Variants in AMOTL1 observed in about 807,000 individuals in gnomAD.
The protein encoded by AMOTL1 is angiomotin like 1, also known as angiomotin-like protein 1.
In AMOTL1, 45 loss-of-function variants were observed where a neutral mutation model predicts 102.9. That is an observed-to-expected ratio of 0.44 (90% CI 0.34 to 0.56). The LOEUF is 0.56. Ranked by LOEUF, AMOTL1 falls within the 20% of genes least tolerant of loss-of-function variation. The pLI is 0.01. For synonymous variants in AMOTL1, 481 were observed against 484.7 expected, an observed-to-expected ratio of 0.99 and a Z score of 0.10; for missense variants, 1,114 against 1,225.6, an observed-to-expected ratio of 0.91 and a Z score of 1.36.
At chr11:94,823,777 G>A (rs1049426754) in intron 4 of AMOTL1, among the ~76,000 whole-genome samples, 1 of 150,586 alleles carries the variant, frequency 6.6e-6, no homozygotes, top group African/African-American at 2.4e-5. Flanking sequence ...GTGCAGTGGC[G>A]CGATCTCGGC....
intron 6 of AMOTL1, among the ~76,000 whole-genome samples, chr11:94,849,121 A>G (rs888343148): frequency 3.9e-5 from 6 of 152,200 alleles, no homozygotes; most frequent in African/African-American, 1.4e-4. Context: ...AATATGGAGT[A>G]GTATGCATAC....
intron 3 of AMOTL1, among the ~76,000 whole-genome samples, chr11:94,744,576 G>GGGTA (rs1950567662): frequency 1.3e-5 from 2 of 152,230 alleles, no homozygotes; most frequent in Admixed American, 6.5e-5. Context: ...CAGGGTGGAG[G>GGGTA]GGTAGTAGGT....
intron 1 of AMOTL1, among the ~76,000 whole-genome samples, chr11:94,776,931 T>C (rs1951033079): frequency 6.6e-6 from 1 of 152,112 alleles, no homozygotes; most frequent in African/African-American, 2.4e-5. Context: ...GTGGGAAAGG[T>C]TGGAACATAG....
At chr11:94,757,499 C>T (rs761985718) in intron 3 of AMOTL1, among the ~76,000 whole-genome samples, 1 of 152,090 alleles carries the variant, frequency 6.6e-6, no homozygotes, top group Non-Finnish European at 1.5e-5. Context: ...GAGGAAACCA[C>T]CTCTGGTGGT....
At chr11:94,752,969 TGTG>T (rs1183464236) in intron 3 of AMOTL1, among the ~76,000 whole-genome samples, 4 of 152,220 alleles carry the variant, frequency 2.6e-5, no homozygotes, top group Non-Finnish European at 5.9e-5. Context: ...TTGTTGCTCT[TGTG>T]GTTGGTCAGC....
At chr11:94,840,681 T>TATATATATATATATATACACACAC (rs1166713705) in intron 6 of AMOTL1, among the ~76,000 whole-genome samples, 50 of 104,750 alleles carry the variant, frequency 4.8e-4, no homozygotes, top group African/African-American at 1.8e-3. Context: ...TATATATATA[T>TATATATATATATATATACACACAC]ACACACACAC....
Position 94,870,786 on chromosome 11 carries a change from C to T in AMOTL1, c.2862C>T (p.Val954=), listed in dbSNP as rs1008116010. The change falls in exon 13 of 13, where the codon GTC becomes GTT. Residue 954 remains valine (V), a synonymous_variant. Coordinates refer to ENST00000433060, the MANE Select transcript of AMOTL1 (RefSeq NM_130847.3). Reference sequence around the variant, plus strand: ...TCCCTGATGGAGAGATGATGGAAGTCCTCATCTAACTGCCATCCCTGTGGA... The same window carrying T: ...TCCCTGATGGAGAGATGATGGAAGTTCTCATCTAACTGCCATCCCTGTGGA... ...PEFPDGEMME[V]LI 35 of 1,593,716 alleles carry T rather than the reference C, an allele frequency of 2.2e-5. 1 individual carries two copies. The highest frequency in any genetic ancestry group is 2.8e-5 in the Non-Finnish European group (33 of 1,168,402).
chr11:94,750,208 G>C (rs1386394999), intron 3 of AMOTL1, among the ~76,000 whole-genome samples: 1 of 152,146 alleles, frequency 6.6e-6, no homozygotes, highest in Non-Finnish European at 1.5e-5. Context: ...TCCTTAGGTG[G>C]TGCTTATTTG....
At chr11:94,816,229 C>T (rs1021435516) in intron 3 of AMOTL1, among the ~76,000 whole-genome samples, 1 of 152,098 alleles carries the variant, frequency 6.6e-6, no homozygotes, top group African/African-American at 2.4e-5. Context: ...ACTTTTGGCT[C>T]CCGTAAGTTT....
intron 4 of AMOTL1, among the ~76,000 whole-genome samples, chr11:94,828,300 C>T (rs1363147777): frequency 6.6e-6 from 1 of 152,160 alleles, no homozygotes; most frequent in African/African-American, 2.4e-5. Context: ...GGAATTTGCC[C>T]TTTTAGTGTC....
At chr11:94,785,087 C>T (rs1157666560) in intron 1 of AMOTL1, among the ~76,000 whole-genome samples, 2 of 152,004 alleles carry the variant, frequency 1.3e-5, no homozygotes, top group Non-Finnish European at 2.9e-5. Context: ...CCTGTTATTC[C>T]CTGAAGCTTT....
At position 94,874,832 on chromosome 11, in the gene AMOTL1, A is replaced by C. The variant is rs1362918960; in HGVS notation, c.*4037A>C. ...TAAAAGCTTTTGAGGCAGGGGGCTC[A>C]TGTTTTGACTGCAGGGAGTTATGCT... On this transcript the variant is annotated 3_prime_UTR_variant, in exon 13 of 13. Coordinates refer to ENST00000433060, the MANE Select transcript of AMOTL1 (RefSeq NM_130847.3). The C allele has an allele frequency of 6.6e-6, 1 of 152,226 alleles. No individual in the cohort carries two copies. The highest frequency in any genetic ancestry group is 1.5e-5 in the Non-Finnish European group (1 of 68,058). The allele number at this position is 152,226 out of a possible 1,614,324, so 9.4% of individuals were successfully genotyped here. A position where few individuals can be genotyped will look rare whatever the true frequency, so the allele number is the denominator to read the frequency against.
intron 6 of AMOTL1, among the ~76,000 whole-genome samples, chr11:94,849,500 A>G (rs1228824940): frequency 6.6e-6 from 1 of 152,174 alleles, no homozygotes; most frequent in Admixed American, 6.5e-5. Flanking sequence ...CCATCATTAC[A>G]TCACCATTGA....
intron 11 of AMOTL1, among the ~76,000 whole-genome samples, chr11:94,868,744 C>T (rs541865384): frequency 2.6e-5 from 4 of 152,256 alleles, no homozygotes; most frequent in East Asian, 1.9e-4. Context: ...CACACTGCCA[C>T]GCTTCAGGCC....
chr11:94,755,076 T>TA (rs1950704782), intron 3 of AMOTL1, among the ~76,000 whole-genome samples: 1 of 152,188 alleles, frequency 6.6e-6, no homozygotes, highest in South Asian at 2.1e-4. Flanking sequence ...TTTAGGTGCT[T>TA]ACATCGATGA....
At chr11:94,808,210 A>T (rs941512226) in intron 3 of AMOTL1, among the ~76,000 whole-genome samples, 1 of 150,284 alleles carries the variant, frequency 6.7e-6, no homozygotes, top group Non-Finnish European at 1.5e-5. Flanking sequence ...TACCTGAGAA[A>T]TACATGTGAT....
intron 7 of AMOTL1, among the ~76,000 whole-genome samples, chr11:94,850,762 T>A (rs1952519794): frequency 6.6e-6 from 1 of 152,106 alleles, no homozygotes; most frequent in African/African-American, 2.4e-5. Context: ...CACCCTGTGG[T>A]GGTGGCGGCA....
intron 6 of AMOTL1, among the ~76,000 whole-genome samples, chr11:94,843,091 C>A (rs1426449859): frequency 6.6e-6 from 1 of 152,150 alleles, no homozygotes; most frequent in Non-Finnish European, 1.5e-5. Context: ...AAGACCCTTT[C>A]CCCAAATAAC....
rs539816979 is a variant in AMOTL1 at position 94,813,685 on chromosome 11, C to T, written c.1122-7845C>T. Among the ~76,000 whole-genome samples the T allele has an allele frequency of 5.3e-5, 8 of 152,290 alleles. No homozygotes were observed. In the South Asian group the frequency reaches 1.7e-3, roughly 32 times the overall value. On this transcript the variant is annotated intron_variant, in intron 3 of 12. Coordinates refer to ENST00000433060, the MANE Select transcript of AMOTL1 (RefSeq NM_130847.3). Reference sequence around the variant, plus strand: ...GTGCGTGTGAATATACATGTCGTCCCATGTGTACAAGGAAGTCCAACTCCA... The same window carrying T: ...GTGCGTGTGAATATACATGTCGTCCTATGTGTACAAGGAAGTCCAACTCCA...
Sources: allele counts gnomAD v4.1 joint callset (sites outside exome capture counted in the v4.1 genomes callset), GRCh38; gene constraint gnomAD v4.1.1; transcripts MANE v1.5; gene names NCBI Gene and HGNC (gene_info 2026-07-23, HGNC 2026-07-21).